SMARCA2: variants seen among roughly 807,000 people sequenced by gnomAD.
SMARCA2 encodes the protein SWI/SNF-related matrix-associated actin-dependent regulator of chromatin subfamily A member 2.
Under a neutral mutation model 199.8 loss-of-function variants are expected in SMARCA2, and 61 were observed. The observed-to-expected ratio is 0.31, with a 90% CI of 0.25 to 0.38. SMARCA2 has a LOEUF of 0.38. SMARCA2 is among the 10% of genes least tolerant of loss of function. The pLI is 1.00. For missense variants in SMARCA2, 1,344 were observed against 2,012.2 expected (o/e 0.67, Z 6.35); for synonymous variants, 935 against 732.0 (o/e 1.28, Z -4.48).
chr9:2,021,141 C>T (rs994297930), intron 1 of SMARCA2, among the ~76,000 whole-genome samples: 1 of 152,128 alleles, frequency 6.6e-6, no homozygotes, highest in Admixed American at 6.5e-5. Flanking sequence ...AGTATGTCAT[C>T]TACATCTATG....
intron 27 of SMARCA2, among the ~76,000 whole-genome samples, chr9:2,142,148 T>C (rs879527139): frequency 1.3e-5 from 2 of 152,210 alleles, no homozygotes; most frequent in Non-Finnish European, 2.9e-5. Context: ...GCAGATGCTC[T>C]ACCTTTGGGC....
chr9:2,174,266 C>G (rs1002085307), intron 29 of SMARCA2, among the ~76,000 whole-genome samples: 1 of 152,164 alleles, frequency 6.6e-6, no homozygotes, highest in Non-Finnish European at 1.5e-5. Context: ...AATGGATTTT[C>G]TTACAGGGCT....
At chr9:2,134,359 C>T (rs1025139133) in intron 27 of SMARCA2, among the ~76,000 whole-genome samples, 2 of 152,168 alleles carry the variant, frequency 1.3e-5, no homozygotes, top group African/African-American at 4.8e-5. Flanking sequence ...TGGTTTTTAC[C>T]TAGGTGCACA....
chr9:2,118,433 T>C lies in SMARCA2; in HGVS notation c.3685-1025T>C, dbSNP rs538386890. On this transcript the variant is annotated intron_variant, in intron 25 of 33. Coordinates refer to ENST00000349721, the MANE Select transcript of SMARCA2 (RefSeq NM_003070.5). ...TATCTTGGGAGCCGACACAGTCATC[T>C]CATTTGAGCCGCTAGTACACTCATA... 7.2e-5 allele frequency among the ~76,000 whole-genome samples: 11 copies of C among 152,348 alleles called. No homozygotes were observed. The East Asian group carries it at 1.5e-3, about 21-fold the overall frequency.
At position 2,119,584 on chromosome 9, in the gene SMARCA2, T is replaced by A; in HGVS notation, c.3762+49T>A. 1 of 1,270,968 alleles carries A rather than the reference T, an allele frequency of 7.9e-7. No homozygotes were observed. The highest frequency in any genetic ancestry group is 1.1e-6 in the Non-Finnish European group (1 of 872,624). 78.7% of individuals were successfully genotyped at this position (1,270,968 alleles called of 1,614,324 possible). ...CACAAATGCTTTATACCTCTGCCCC[T>A]TTTTCTGTTAAGCAGAATGTCTGCA... is the stretch of plus-strand genomic sequence containing the variant. On this transcript the variant is annotated intron_variant, in intron 26 of 33. Coordinates refer to ENST00000349721, the MANE Select transcript of SMARCA2 (RefSeq NM_003070.5). This position sits in a 1 kb window ranked among gnomAD's most constrained non-coding sequence, Gnocchi z 4.6.
At chr9:2,159,620 G>C (rs1825560374) in intron 27 of SMARCA2, 1 of 561,420 alleles carries the variant, frequency 1.8e-6, no homozygotes, top group South Asian at 3.3e-5. Context: ...GAATAATAAG[G>C]GGAAAAAAAT....
chr9:2,094,824 T>C (rs1312039210), intron 19 of SMARCA2, among the ~76,000 whole-genome samples: 2 of 152,140 alleles, frequency 1.3e-5, no homozygotes, highest in African/African-American at 4.8e-5. Flanking sequence ...AGCCCAGTAA[T>C]ATTAGTCCTT....
chr9:2,095,319 C>G (rs149452124), intron 19 of SMARCA2, among the ~76,000 whole-genome samples: 46 of 151,994 alleles, frequency 3.0e-4, no homozygotes, highest in African/African-American at 9.4e-4. Flanking sequence ...CTCCTGACCT[C>G]GTGATTCGCC....
intron 19 of SMARCA2, among the ~76,000 whole-genome samples, chr9:2,092,939 C>T (rs928420136): frequency 3.9e-5 from 6 of 152,128 alleles, no homozygotes; most frequent in African/African-American, 1.4e-4. Context: ...GGAGTTGGCA[C>T]GATTATTATA....
chr9:2,018,364 T>TC (rs1418250562), intron 1 of SMARCA2, among the ~76,000 whole-genome samples: 1 of 151,682 alleles, frequency 6.6e-6, no homozygotes, highest in African/African-American at 2.4e-5. Context: ...CTCTTTTTTT[T>TC]CCTCCTCCCT....
intron 7 of SMARCA2, 116 bp from the exon 8 acceptor site, chr9:2,058,175 A>G (rs940623428): frequency 1.2e-6 from 1 of 861,132 alleles, no homozygotes; most frequent in Non-Finnish European, 1.9e-6. Flanking sequence ...AACAGATTCT[A>G]GTCTTCCTAT....
Position 2,086,759 on chromosome 9 carries a change from C to T in SMARCA2, c.2527-70C>T. On this transcript the variant is annotated intron_variant, in intron 17 of 33. Transcript: ENST00000349721. The surrounding 1 kb of genome is among the most constrained non-coding windows in gnomAD (Gnocchi z 4.3). ...TGGGTTCTTTGGTTTTCCGCACCAC[C>T]ACTTGCTTGTTGGAAATAGTTGTAT... The T allele has an allele frequency of 6.4e-7, 1 of 1,570,850 alleles. No individual in the cohort carries two copies. Among genetic ancestry groups the T allele is most frequent in the East Asian group, 2.2e-5 (1 of 44,632 alleles).
At chr9:2,164,118 G>C (rs1360897736) in intron 28 of SMARCA2, among the ~76,000 whole-genome samples, 5 of 152,246 alleles carry the variant, frequency 3.3e-5, no homozygotes, top group African/African-American at 9.6e-5. Flanking sequence ...CATCTCTTCA[G>C]TATGGAGTGC....
chr9:2,097,247 C>G, intron 20 of SMARCA2, 138 bp from the exon 21 acceptor site: 2 of 570,436 alleles, frequency 3.5e-6, no homozygotes, highest in Non-Finnish European at 6.2e-6. Flanking sequence ...ATTAAAGAAG[C>G]TTTGAACCAC....
chr9:2,073,529 A>G lies in SMARCA2; in HGVS notation c.1878-37A>G, dbSNP rs756919037. ...TCTTTATTGTATTGTAATTTAAAAA[A>G]CTAAGCCCCCTCCTCTTCCTCACTC... On this transcript the variant is annotated intron_variant, in intron 11 of 33. Transcript: ENST00000349721. The G allele has an allele frequency of 1.0e-5, 16 of 1,574,094 alleles. No homozygotes were observed. The African/African-American group carries it at 1.5e-4, about 15-fold the overall frequency.
chr9:2,190,973 G>A lies in SMARCA2; in HGVS notation c.4595-293G>A, dbSNP rs146662377. On this transcript the variant is annotated intron_variant, in intron 32 of 33. Transcript: ENST00000349721. ...AAAACACTTCCCCTCATTATCCTTGGTCAGCCATTGGGAGACAGGTGAAGG... is the reference window on the plus strand; with the variant it reads ...AAAACACTTCCCCTCATTATCCTTGATCAGCCATTGGGAGACAGGTGAAGG... 1.5e-3 allele frequency among the ~76,000 whole-genome samples: 227 copies of A among 152,148 alleles called. 2 individuals are homozygous for A. Among genetic ancestry groups the A allele is most frequent in the Admixed American group, 0.014 (214 of 15,284 alleles).
chr9:2,117,719 C>A (rs1823272654), intron 25 of SMARCA2, among the ~76,000 whole-genome samples: 1 of 152,162 alleles, frequency 6.6e-6, no homozygotes, highest in African/African-American at 2.4e-5. Flanking sequence ...CCCCTGGGCC[C>A]GAGGGCTGCC....
Position 2,056,661 on chromosome 9 carries a change from C to A in SMARCA2, c.1174-11C>A. Reference sequence around the variant, plus strand: ...TTAGGGAAGGCTGTCTAACTGCTCTCTTCTTGACAGCTGAGACAGGAGGTG... The same window carrying A: ...TTAGGGAAGGCTGTCTAACTGCTCTATTCTTGACAGCTGAGACAGGAGGTG... On this transcript the variant is annotated splice_polypyrimidine_tract_variant and intron_variant, in intron 6 of 33. Transcript: ENST00000349721. The surrounding 1 kb of genome is among the most constrained non-coding windows in gnomAD (Gnocchi z 4.0). The A allele has an allele frequency of 6.2e-7, 1 of 1,611,502 alleles. No individual in the cohort carries two copies. The highest frequency in any genetic ancestry group is 8.5e-7 in the Non-Finnish European group (1 of 1,179,056).
At chr9:2,037,488 A>G (rs1277396188) in intron 3 of SMARCA2, among the ~76,000 whole-genome samples, 1 of 152,210 alleles carries the variant, frequency 6.6e-6, no homozygotes, top group African/African-American at 2.4e-5. Context: ...TTCTTGGTTT[A>G]GGGGATCACG....
Sources: allele counts gnomAD v4.1 joint callset (sites outside exome capture counted in the v4.1 genomes callset), GRCh38; gene constraint gnomAD v4.1.1; non-coding constraint Gnocchi (gnomAD v3.1); transcripts MANE v1.5; gene names NCBI Gene and HGNC (gene_info 2026-07-23, HGNC 2026-07-21).